Variants in BIRC3 observed in about 807,000 individuals in gnomAD.
BIRC3 encodes the protein baculoviral IAP repeat-containing protein 3.
Under a neutral mutation model 59.0 loss-of-function variants are expected in BIRC3, and 26 were observed. The ratio of observed to expected loss-of-function variants is 0.44; its 90% CI spans 0.32 to 0.61. BIRC3 has a LOEUF of 0.61. Among genes scored for constraint, BIRC3 ranks in the 20% least tolerant of loss-of-function variants. The pLI, the probability that BIRC3 is intolerant of heterozygous loss-of-function variation, is 0.04. For synonymous variants in BIRC3, 243 were observed against 249.2 expected (o/e 0.98, Z 0.24); for missense variants, 641 against 711.5 (o/e 0.90, Z 1.13).
At chr11:102,332,580 A>T (rs1044064037) in intron 6 of BIRC3, among the ~76,000 whole-genome samples, 2 of 152,112 alleles carry the variant, frequency 1.3e-5, no homozygotes, top group Non-Finnish European at 2.9e-5. Context: ...GAGAATAAAG[A>T]TTTCTCCTTA....
In BIRC3 at chr11:102,325,725, C is replaced by T. The variant is rs137971959; in HGVS notation, c.953+160C>T. 2.4e-3 allele frequency among the ~76,000 whole-genome samples: 369 copies of T among 152,030 alleles called. 2 individuals are homozygous for T. Among genetic ancestry groups the T allele is most frequent in the Non-Finnish European group, 3.9e-3 (266 of 67,966 alleles). ...AGTAAAATACTTACTTAAAAAGTTT[C>T]GATGGACTTAAGACAACGAAGAAAT... On this transcript the variant is annotated intron_variant, in intron 3 of 8. Transcript: ENST00000263464.
In BIRC3 at chr11:102,328,880, A is replaced by ATTTT. The variant is rs762000514; in HGVS notation, c.1033-10_1033-7dup. 262 of 426,534 alleles carry ATTTT rather than the reference A, an allele frequency of 6.1e-4. 2 individuals carry two copies. The highest frequency in any genetic ancestry group is 2.6e-3 in the Admixed American group (25 of 9,632). The allele number at this position is 426,534 out of a possible 1,614,324, so 26.4% of individuals were successfully genotyped here. On this transcript the variant is annotated splice_polypyrimidine_tract_variant and intron_variant, in intron 4 of 8. Coordinates refer to ENST00000263464, the MANE Select transcript of BIRC3 (RefSeq NM_001165.5). ...AATTTATATATATATATATATATATATTTTTTTTTTCTGCAGCTGCTATCC... is the reference window on the plus strand; with the variant it reads ...AATTTATATATATATATATATATATATTTTTTTTTTTTTTCTGCAGCTGCTATCC...
Position 102,325,312 on chromosome 11 carries a change from G to A in BIRC3, c.803G>A (p.Ser268Asn). 1.2e-6 allele frequency: 2 copies of A among 1,613,872 alleles called. No individual in the cohort carries two copies. The highest frequency in any genetic ancestry group is 1.7e-6 in the Non-Finnish European group (2 of 1,179,892). ...AAAACATTCTTTAACTGGCCCTCTA[G>A]TGTTCTAGTTAATCCTGAGCAGCTT... ...RFKTFFNWPS[S>N]VLVNPEQLAS... Residue 268 changes from serine to asparagine, a missense_variant, in exon 2 of 9, where the codon AGT becomes AAT. Coordinates refer to ENST00000263464, the MANE Select transcript of BIRC3 (RefSeq NM_001165.5).
At chr11:102,319,717 G>A (rs1951011831) in intron 1 of BIRC3, among the ~76,000 whole-genome samples, 2 of 152,186 alleles carry the variant, frequency 1.3e-5, no homozygotes, top group Admixed American at 1.3e-4. Flanking sequence ...TAGGGCATGG[G>A]CTAGGGAGCT....
rs753471138 is a variant in BIRC3, at chr11:102,325,314, G to A, written c.805G>A (p.Val269Ile). Residue 269 changes from valine (V) to isoleucine (I), a missense_variant, in exon 2 of 9, where the codon GTT becomes ATT. Val to Ile is a conservative substitution (Grantham distance 29). Coordinates refer to ENST00000263464, the MANE Select transcript of BIRC3 (RefSeq NM_001165.5). ...AACATTCTTTAACTGGCCCTCTAGT[G>A]TTCTAGTTAATCCTGAGCAGCTTGC... ...FKTFFNWPSS[V>I]LVNPEQLASA... 6.8e-6 allele frequency: 11 copies of A among 1,613,486 alleles called. No homozygotes were observed. Among genetic ancestry groups the A allele is most frequent in the Non-Finnish European group, 7.6e-6 (9 of 1,179,730 alleles).
chr11:102,328,192 C>A, intron 4 of BIRC3, 62 bp downstream of exon 4: 1 of 1,233,512 alleles, frequency 8.1e-7, no homozygotes, highest in Non-Finnish European at 1.2e-6. Context: ...CTGATAATTA[C>A]AGAGAGTGCT....
chr11:102,328,078 G>A lies in BIRC3; in HGVS notation c.980G>A (p.Gly327Glu), dbSNP rs1423980533. ...TGTGAGTACTTGATAAGAATTAAAG[G>A]ACAGGAGTTCATCCGTCAAGTTCAA... ...PRCEYLIRIK[G>E]QEFIRQVQAS... The change falls in exon 4 of 9, where the codon GGA becomes GAA. Residue 327 changes from glycine to glutamate, a missense_variant. This residue lies in a region of BIRC3 where 268 missense variants were observed against 255.7 expected (regional missense o/e 1.05). Coordinates refer to ENST00000263464, the MANE Select transcript of BIRC3 (RefSeq NM_001165.5). The A allele has an allele frequency of 6.2e-7, 1 of 1,609,390 alleles. No individual in the cohort carries two copies. Among genetic ancestry groups the A allele is most frequent in the Non-Finnish European group, 8.5e-7 (1 of 1,178,566 alleles).
intron 7 of BIRC3, 63 bp from the exon 8 acceptor site, chr11:102,336,696 TA>T: frequency 6.7e-7 from 1 of 1,486,874 alleles, no homozygotes; most frequent in Non-Finnish European, 9.2e-7. Flanking sequence ...ATTTTTAAAA[TA>T]GATTCCATAG....
intron 1 of BIRC3, among the ~76,000 whole-genome samples, chr11:102,319,515 A>AG (rs1320685557): frequency 6.6e-6 from 1 of 152,202 alleles, no homozygotes; most frequent in African/African-American, 2.4e-5. Flanking sequence ...GGATCCCATA[A>AG]GGGGGCAAGT....
chr11:102,327,063 C>A (rs1020089238), intron 3 of BIRC3, among the ~76,000 whole-genome samples: 42 of 152,264 alleles, frequency 2.8e-4, no homozygotes, highest in African/African-American at 9.6e-4. Flanking sequence ...GACTGAGGGG[C>A]TCCTGACCCT....
In BIRC3 at chr11:102,337,807, C is replaced by A; in HGVS notation, c.*705C>A. 1 of 233,462 alleles carries A rather than the reference C, an allele frequency of 4.3e-6. No homozygotes were observed. The highest frequency in any genetic ancestry group is 8.4e-6 in the Non-Finnish European group (1 of 118,550). 14.5% of individuals were successfully genotyped at this position (233,462 alleles called of 1,614,324 possible). A position where few individuals can be genotyped will look rare whatever the true frequency, so the allele number is the denominator to read the frequency against. ...AGACTCTTTCCATACCTTCTTAAAGCCTCTCAAATATTGAACTACAGTTTA... is the reference window on the plus strand; with the variant it reads ...AGACTCTTTCCATACCTTCTTAAAGACTCTCAAATATTGAACTACAGTTTA... On this transcript the variant is annotated 3_prime_UTR_variant, in exon 9 of 9. Coordinates refer to ENST00000263464, the MANE Select transcript of BIRC3 (RefSeq NM_001165.5).
intron 6 of BIRC3, among the ~76,000 whole-genome samples, chr11:102,333,030 C>T (rs1213065011): frequency 2.0e-5 from 3 of 152,136 alleles, no homozygotes; most frequent in Admixed American, 2.0e-4. Context: ...TCAGAAAAGT[C>T]TCCAGAAATG....
Position 102,333,967 on chromosome 11 carries a change from T to C in BIRC3, c.1325-1999T>C, listed in dbSNP as rs188005542. Reference sequence around the variant, plus strand: ...AATTTTTAAAACAAAGTATTTGTGATGGTGTATGCCTGGTAATCCCAGCTA... The same window carrying C: ...AATTTTTAAAACAAAGTATTTGTGACGGTGTATGCCTGGTAATCCCAGCTA... On this transcript the variant is annotated intron_variant, in intron 6 of 8. Coordinates refer to ENST00000263464, the MANE Select transcript of BIRC3 (RefSeq NM_001165.5). Among the ~76,000 whole-genome samples, 3 of 152,308 alleles carry C rather than the reference T, an allele frequency of 2.0e-5. No individual in the cohort carries two copies. The East Asian group carries it at 5.8e-4, about 29-fold the overall frequency.
Position 102,336,164 on chromosome 11 carries a change from C to A in BIRC3, c.1523C>A (p.Thr508Asn). 1 of 1,613,822 alleles carries A rather than the reference C, an allele frequency of 6.2e-7. No individual in the cohort carries two copies. Among genetic ancestry groups the A allele is most frequent in the South Asian group, 1.1e-5 (1 of 91,056 alleles). The change falls in exon 7 of 9, where the codon ACT becomes AAT. Residue 508 changes from threonine to asparagine, a missense_variant. Thr to Asn is a moderately conservative substitution (Grantham distance 65). Coordinates refer to ENST00000263464, the MANE Select transcript of BIRC3 (RefSeq NM_001165.5). Reference sequence around the variant, plus strand: ...TTAGTAAAAGGAAATATTGCAGCCACTGTATTCAGAAACTCTCTGCAAGAA... The same window carrying A: ...TTAGTAAAAGGAAATATTGCAGCCAATGTATTCAGAAACTCTCTGCAAGAA... ...TILVKGNIAA[T>N]VFRNSLQEAE...
intron 6 of BIRC3, among the ~76,000 whole-genome samples, chr11:102,333,136 C>T (rs913475115): frequency 2.0e-5 from 3 of 152,214 alleles, no homozygotes; most frequent in Middle Eastern, 3.4e-3. Context: ...TACCTAGTAT[C>T]GTGCCTGCAT....
chr11:102,330,207 G>A (rs1271249476), intron 5 of BIRC3, among the ~76,000 whole-genome samples: 2 of 152,190 alleles, frequency 1.3e-5, no homozygotes, highest in Admixed American at 1.3e-4. Flanking sequence ...TCCAGGCAGA[G>A]GGAACAGCAT....
At chr11:102,326,979 T>C (rs957243646) in intron 3 of BIRC3, 4 of 341,744 alleles carry the variant, frequency 1.2e-5, no homozygotes, top group African/African-American at 8.7e-5. Context: ...CATCAGTGTG[T>C]TTTAAGAATC....
At chr11:102,336,834 A>G in intron 8 of BIRC3, 33 bp downstream of exon 8, 1 of 1,587,266 alleles carries the variant, frequency 6.3e-7, no homozygotes, top group Non-Finnish European at 8.5e-7. Flanking sequence ...TCAATAGAGA[A>G]CATTGTCTTT....
In BIRC3 at chr11:102,322,052, C is replaced by T. The variant is rs1179001462; in HGVS notation, c.-2458C>T. 2 of 197,024 alleles carry T rather than the reference C, an allele frequency of 1.0e-5. No individual in the cohort carries two copies. The highest frequency in any genetic ancestry group is 2.1e-5 in the Non-Finnish European group (2 of 95,216). 12.2% of individuals were successfully genotyped at this position (197,024 alleles called of 1,614,324 possible). A position where few individuals can be genotyped will look rare whatever the true frequency, so the allele number is the denominator to read the frequency against. ...ACATGATCGAGTTATATAAGGTATA[C>T]CATAATGAGTTTGATTTTGAATTTG... On this transcript the variant is annotated 5_prime_UTR_variant, in exon 2 of 9. Coordinates refer to ENST00000263464, the MANE Select transcript of BIRC3 (RefSeq NM_001165.5).
Sources: allele counts gnomAD v4.1 joint callset (sites outside exome capture counted in the v4.1 genomes callset), GRCh38; gene constraint gnomAD v4.1.1; regional missense constraint gnomAD v4.1.1; transcripts MANE v1.5; gene names NCBI Gene and HGNC (gene_info 2026-07-23, HGNC 2026-07-21).